The following ARHGEF38 variants were observed in gnomAD, a reference collection of about 807,000 sequenced individuals.
The protein encoded by ARHGEF38 is Rho guanine nucleotide exchange factor (GEF) 38.
A neutral mutation model predicts 79.9 loss-of-function variants in ARHGEF38; 79 were observed. The observed-to-expected ratio is 0.99, with a 90% CI of 0.82 to 1.19. The LOEUF (loss-of-function observed/expected upper bound fraction) is 1.19. Among genes scored for constraint, ARHGEF38 ranks in the 50% most tolerant of loss-of-function variants. The probability of loss-of-function intolerance (pLI) is 0.00; values close to 1 mark genes in which losing one functional copy is unlikely to be tolerated. For synonymous variants in ARHGEF38, 366 were observed against 328.3 expected (o/e 1.11, Z -1.24); for missense variants, 962 against 907.2 (o/e 1.06, Z -0.78).
At chr4:105,660,039 G>C (rs1247138212) in intron 10 of ARHGEF38, among the ~76,000 whole-genome samples, 1 of 152,172 alleles carries the variant, frequency 6.6e-6, no homozygotes, top group African/African-American at 2.4e-5. Context: ...GAGATGGACA[G>C]CTATTCAATG....
chr4:105,667,274 T>A lies in ARHGEF38; in HGVS notation c.1835T>A (p.Ile612Lys). ...NLLEGDLVAV[I>K]EQKDPLGSTS... is the part of the protein sequence containing the mutation. ...CTGGAAGGAGACTTGGTGGCTGTGA[T>A]AGAACAGAAAGATCCACTGGGGAGT... is the stretch of plus-strand genomic sequence containing the variant. The change falls in exon 12 of 14, where the codon ATA becomes AAA. Residue 612 changes from isoleucine (I) to lysine (K), a missense_variant. Coordinates refer to ENST00000420470, the MANE Select transcript of ARHGEF38 (RefSeq NM_001242729.2). 1 of 1,536,188 alleles carries A rather than the reference T, an allele frequency of 6.5e-7. No homozygotes were observed. Among genetic ancestry groups the A allele is most frequent in the Non-Finnish European group, 8.7e-7 (1 of 1,146,916 alleles).
Position 105,666,181 on chromosome 4 carries a change from C to T in ARHGEF38, c.1550C>T (p.Pro517Leu). 1 of 1,520,122 alleles carries T rather than the reference C, an allele frequency of 6.6e-7. No homozygotes were observed. The highest frequency in any genetic ancestry group is 8.8e-7 in the Non-Finnish European group (1 of 1,141,622). 94.2% of individuals were successfully genotyped at this position (1,520,122 alleles called of 1,614,324 possible). ...CCATATTATTTCTACCTATAGATGC[C>T]ACTGTTGGTTTCAAGCATTTCTGAG... The part of the protein sequence containing the change: ...QQAYSTLVPM[P>L]LLVSSISEIQ... Residue 517 changes from proline to leucine, a missense_variant, in exon 11 of 14, where the codon CCA becomes CTA. Pro to Leu is a moderately conservative substitution (Grantham distance 98, BLOSUM62 -3). Coordinates refer to ENST00000420470, the MANE Select transcript of ARHGEF38 (RefSeq NM_001242729.2).
intron 1 of ARHGEF38, among the ~76,000 whole-genome samples, chr4:105,558,183 G>C (rs989937621): frequency 6.6e-6 from 1 of 152,162 alleles, no homozygotes; most frequent in African/African-American, 2.4e-5. Context: ...GTGGGGACAA[G>C]TGGCTCAAAT....
At chr4:105,635,956 A>G (rs1266137367) in intron 4 of ARHGEF38, among the ~76,000 whole-genome samples, 1 of 152,124 alleles carries the variant, frequency 6.6e-6, no homozygotes, top group Admixed American at 6.6e-5. Context: ...CATTTTCCAC[A>G]TATACAAAGT....
At chr4:105,628,030 TA>T (rs70941204) in intron 3 of ARHGEF38, among the ~76,000 whole-genome samples, 40,101 of 144,580 alleles carry the variant, frequency 0.28, 8,615 homozygotes, top group African/African-American at 0.6. Context: ...TGGAAAAGAG[TA>T]AAAAAAAAAA....
chr4:105,655,574 T>C, intron 8 of ARHGEF38, 29 bp from the exon 9 acceptor site: 1 of 1,532,422 alleles, frequency 6.5e-7, no homozygotes, highest in Non-Finnish European at 8.7e-7. Context: ...AAAACTTGCC[T>C]TTTTTGTAAC....
chr4:105,556,763 A>C (rs1725270531), intron 1 of ARHGEF38, among the ~76,000 whole-genome samples: 2 of 152,174 alleles, frequency 1.3e-5, no homozygotes, highest in South Asian at 4.1e-4. Context: ...GATCAGGCCC[A>C]AGCAGGAAAC....
intron 1 of ARHGEF38, among the ~76,000 whole-genome samples, chr4:105,580,263 G>A (rs929900888): frequency 6.6e-6 from 1 of 152,094 alleles, no homozygotes; most frequent in African/African-American, 2.4e-5. Flanking sequence ...CTAGCTTGGA[G>A]GTTGGTTTGC....
intron 13 of ARHGEF38, among the ~76,000 whole-genome samples, chr4:105,670,144 C>T (rs193273861): frequency 1.3e-5 from 2 of 152,148 alleles, no homozygotes; most frequent in East Asian, 1.9e-4. Context: ...TGAGTAGATA[C>T]CCAGAAGTGT....
intron 1 of ARHGEF38, among the ~76,000 whole-genome samples, chr4:105,556,940 A>G (rs970793840): frequency 6.6e-5 from 10 of 152,210 alleles, no homozygotes; most frequent in Admixed American, 5.2e-4. Flanking sequence ...AGCCTGTTTC[A>G]TTCCCAACTC....
chr4:105,613,261 A>T (rs1728372063), intron 2 of ARHGEF38, 123 bp from the exon 3 acceptor site: 1 of 1,217,458 alleles, frequency 8.2e-7, no homozygotes, highest in Non-Finnish European at 1.1e-6. Flanking sequence ...CTAAATAAGA[A>T]TGTTAACAGA....
At chr4:105,568,433 G>A (rs928022852) in intron 1 of ARHGEF38, among the ~76,000 whole-genome samples, 11 of 151,772 alleles carry the variant, frequency 7.2e-5, no homozygotes, top group African/African-American at 2.4e-4. Context: ...TCAGTGTGGC[G>A]ATTCCTCAGG....
chr4:105,637,105 A>G (rs1311653879), intron 5 of ARHGEF38, among the ~76,000 whole-genome samples: 1 of 151,292 alleles, frequency 6.6e-6, no homozygotes, highest in Non-Finnish European at 1.5e-5. Context: ...ATGATGAGCA[A>G]CTCTTTAAGG....
chr4:105,596,127 T>C (rs961528928), intron 2 of ARHGEF38, among the ~76,000 whole-genome samples: 4 of 152,280 alleles, frequency 2.6e-5, no homozygotes, highest in Non-Finnish European at 5.9e-5. Context: ...CAGTCATACC[T>C]AGGTTAGCAG....
At chr4:105,571,592 G>A (rs556937959) in intron 1 of ARHGEF38, among the ~76,000 whole-genome samples, 9 of 151,990 alleles carry the variant, frequency 5.9e-5, no homozygotes, top group African/African-American at 2.2e-4. Flanking sequence ...TAAAGTGCTG[G>A]GATTACAGGC....
intron 1 of ARHGEF38, among the ~76,000 whole-genome samples, chr4:105,573,477 T>C (rs1263596163): frequency 6.6e-6 from 1 of 152,194 alleles, no homozygotes; most frequent in Non-Finnish European, 1.5e-5. Context: ...CCATTTGTTG[T>C]AAAGATTGTC....
intron 1 of ARHGEF38, among the ~76,000 whole-genome samples, chr4:105,556,023 C>A (rs935163754): frequency 9.2e-5 from 14 of 152,132 alleles, no homozygotes. Context: ...ATAGTCATTC[C>A]TACTAAGCCT....
In ARHGEF38 at chr4:105,664,155, C is replaced by A. The variant is rs981270367; in HGVS notation, c.1546-2022C>A. ...TGCTCTCAATTATTTTGGATATATACCCACAAGTGGGATTGCTGAATCATA... is the reference window on the plus strand; with the variant it reads ...TGCTCTCAATTATTTTGGATATATAACCACAAGTGGGATTGCTGAATCATA... On this transcript the variant is annotated intron_variant, in intron 10 of 13. Transcript: ENST00000420470. Among the ~76,000 whole-genome samples, 13 of 152,232 alleles carry A rather than the reference C, an allele frequency of 8.5e-5. No homozygotes were observed. The East Asian group carries it at 2.5e-3, about 29-fold the overall frequency.
chr4:105,582,164 C>CAAAAAAAAA, intron 1 of ARHGEF38, among the ~76,000 whole-genome samples: 1 of 118,282 alleles, frequency 8.5e-6, no homozygotes, highest in Non-Finnish European at 1.7e-5. Flanking sequence ...GACTCCGTCT[C>CAAAAAAAAA]AAAAAAAAAA....
Sources: allele counts gnomAD v4.1 joint callset (sites outside exome capture counted in the v4.1 genomes callset), GRCh38; gene constraint gnomAD v4.1.1; transcripts MANE v1.5; gene names NCBI Gene and HGNC (gene_info 2026-07-23, HGNC 2026-07-21).